BSN: variants seen among roughly 807,000 people sequenced by gnomAD.
The protein encoded by BSN is protein bassoon.
In BSN, 57 loss-of-function variants were observed where a neutral mutation model predicts 264.8. The ratio of observed to expected loss-of-function variants is 0.22; its 90% CI spans 0.17 to 0.27. The LOEUF (loss-of-function observed/expected upper bound fraction) is 0.27. Ranked by LOEUF, BSN falls within the 10% of genes least tolerant of loss-of-function variation. The pLI is 1.00. For synonymous variants in BSN, 2,059 were observed against 2,137.3 expected, an observed-to-expected ratio of 0.96 and a Z score of 1.01; for missense variants, 4,615 against 5,232.5, an observed-to-expected ratio of 0.88 and a Z score of 3.64.
chr3:49,620,159 G>A (rs557238895), intron 1 of BSN, among the ~76,000 whole-genome samples: 5 of 152,280 alleles, frequency 3.3e-5, no homozygotes, highest in Non-Finnish European at 7.4e-5. Flanking sequence ...AAACTTGAGA[G>A]GGAGCAAGTG....
rs1213671806 is a variant in BSN at position 49,661,872 on chromosome 3, C to G, written c.10027C>G (p.His3343Asp). 1 of 1,613,666 alleles carries G rather than the reference C, an allele frequency of 6.2e-7. No homozygotes were observed. The highest frequency in any genetic ancestry group is 1.7e-5 in the Admixed American group (1 of 60,032). The stretch of plus-strand genomic sequence containing the variant: ...TGGTCCAGGGCCCATGGGGCCCAAG[C>G]ATCCCTCCAAGAGCCTGGCTCCAGC... ...KYGPGPMGPK[H>D]PSKSLAPAAI... The change falls in exon 6 of 12, where the codon CAT becomes GAT. Residue 3343 changes from histidine to aspartate, a missense_variant. Physicochemically the swap from His to Asp is moderately conservative, Grantham distance 81. Around this residue, in one of 3 missense-constraint regions of BSN, gnomAD observed 3,415 missense variants for 3,866.4 expected, o/e 0.88. Transcript: ENST00000296452.
chr3:49,559,547 G>A (rs751535020), intron 1 of BSN, among the ~76,000 whole-genome samples: 1 of 152,084 alleles, frequency 6.6e-6, no homozygotes, highest in Non-Finnish European at 1.5e-5. Context: ...TATTCAGTCA[G>A]GATTCTACTT....
intron 1 of BSN, among the ~76,000 whole-genome samples, chr3:49,622,697 A>T (rs2052315227): frequency 6.6e-6 from 1 of 152,228 alleles, no homozygotes; most frequent in Non-Finnish European, 1.5e-5. Context: ...AGTCTTAAAT[A>T]ATTTATGTAA....
chr3:49,631,580 T>C (rs898055641), intron 2 of BSN, among the ~76,000 whole-genome samples: 17 of 150,094 alleles, frequency 1.1e-4, no homozygotes, highest in East Asian at 1.9e-4. Flanking sequence ...AAAAAAGTTA[T>C]TGGGGGCTTC....
intron 1 of BSN, among the ~76,000 whole-genome samples, chr3:49,618,595 G>T (rs2052279677): frequency 6.6e-6 from 1 of 151,918 alleles, no homozygotes; most frequent in African/African-American, 2.4e-5. Context: ...GCTGTTCTAG[G>T]TGCTGGGAGC....
chr3:49,607,070 G>A (rs959062755), intron 1 of BSN, among the ~76,000 whole-genome samples: 6 of 152,100 alleles, frequency 3.9e-5, no homozygotes, highest in African/African-American at 9.7e-5. Context: ...CTGGGCCAGC[G>A]GACCTTTGCA....
intron 2 of BSN, among the ~76,000 whole-genome samples, chr3:49,640,164 A>G (rs564021492): frequency 2.5e-4 from 38 of 152,368 alleles, no homozygotes; most frequent in Admixed American, 2.0e-3. Context: ...GACAGAGAAC[A>G]ACCTTGGCCT....
chr3:49,561,598 A>G (rs990253733), intron 1 of BSN, among the ~76,000 whole-genome samples: 1 of 152,242 alleles, frequency 6.6e-6, no homozygotes. Context: ...TATTTATTAT[A>G]TACAACCTGA....
At chr3:49,554,848 CG>C (rs908173479) in intron 1 of BSN, 22 bp downstream of exon 1, 15 of 1,204,432 alleles carry the variant, frequency 1.2e-5, no homozygotes, top group East Asian at 3.3e-5. Context: ...TCTCGGCGCC[CG>C]GGGGGCGGTG....
Position 49,667,941 on chromosome 3 carries a change from C to G in BSN, c.*456C>G, listed in dbSNP as rs1205139100. On this transcript the variant is annotated 3_prime_UTR_variant, in exon 12 of 12. Transcript: ENST00000296452. ...CACACACTGCCCTCCCTCCGAGATG[C>G]CAGAAGTTTTTCCACAGCCTTGGAG... 1 of 152,576 alleles carries G rather than the reference C, an allele frequency of 6.6e-6. No homozygotes were observed. The highest frequency in any genetic ancestry group is 2.1e-4 in the South Asian group (1 of 4,828). The allele number at this position is 152,576 out of a possible 1,614,324, so 9.5% of individuals were successfully genotyped here. A position where few individuals can be genotyped will look rare whatever the true frequency, so the allele number is the denominator to read the frequency against.
At chr3:49,593,056 T>C (rs1302590240) in intron 1 of BSN, among the ~76,000 whole-genome samples, 1 of 152,170 alleles carries the variant, frequency 6.6e-6, no homozygotes, top group Non-Finnish European at 1.5e-5. Flanking sequence ...TGCCCAACCC[T>C]TCCACCCCAT....
rs2052438820 is a variant in BSN, at chr3:49,638,801, C to G, written c.634-3467C>G. ...CCTGATTCAGAACCCCAGGGACAGT[C>G]ACCCCAAAGTTGCAGGATAAGAAGC... is the stretch of plus-strand genomic sequence containing the variant. On this transcript the variant is annotated intron_variant, in intron 2 of 11. Transcript: ENST00000296452. The surrounding 1 kb of genome is among the most constrained non-coding windows in gnomAD (Gnocchi z 4.3). Among the ~76,000 whole-genome samples, 1 of 152,208 alleles carries G rather than the reference C, an allele frequency of 6.6e-6. No individual in the cohort carries two copies. Among genetic ancestry groups the G allele is most frequent in the Non-Finnish European group, 1.5e-5 (1 of 68,026 alleles).
chr3:49,615,623 A>G (rs1190661955), intron 1 of BSN, among the ~76,000 whole-genome samples: 2 of 152,212 alleles, frequency 1.3e-5, no homozygotes, highest in East Asian at 3.8e-4. Context: ...TGAGCCCATG[A>G]TGCCATCTTC....
chr3:49,610,650 T>C (rs138656160), intron 1 of BSN, among the ~76,000 whole-genome samples: 123 of 148,366 alleles, frequency 8.3e-4, no homozygotes, highest in African/African-American at 2.6e-3. Context: ...TAACATGGGA[T>C]GAATAGATAT....
intron 1 of BSN, among the ~76,000 whole-genome samples, chr3:49,566,393 A>G (rs1167746560): frequency 6.6e-6 from 1 of 152,188 alleles, no homozygotes; most frequent in Non-Finnish European, 1.5e-5. Flanking sequence ...AATAGATTCA[A>G]TCTTTTTGGA....
chr3:49,593,799 T>C (rs1390455480), intron 1 of BSN, among the ~76,000 whole-genome samples: 2 of 147,766 alleles, frequency 1.4e-5, no homozygotes, highest in African/African-American at 4.9e-5. Flanking sequence ...TTTTGTTTTG[T>C]TTTTTGTTTT....
At chr3:49,568,389 T>A (rs1575425454) in intron 1 of BSN, among the ~76,000 whole-genome samples, 1 of 152,312 alleles carries the variant, frequency 6.6e-6, no homozygotes, top group South Asian at 2.1e-4. Flanking sequence ...TGATTCCAAA[T>A]AAAACAAGAT....
intron 1 of BSN, among the ~76,000 whole-genome samples, chr3:49,589,508 T>C (rs1441737352): frequency 9.2e-5 from 1 of 10,840 alleles, no homozygotes; most frequent in African/African-American, 2.5e-4. Context: ...TTTCTTTCTT[T>C]CTTTCTTTTT....
chr3:49,637,078 G>A (rs1001211884), intron 2 of BSN, among the ~76,000 whole-genome samples: 5 of 152,224 alleles, frequency 3.3e-5, no homozygotes, highest in Admixed American at 6.5e-5. Flanking sequence ...AGCTGTTTCT[G>A]TGATGTTTCA....
Sources: allele counts gnomAD v4.1 joint callset (sites outside exome capture counted in the v4.1 genomes callset), GRCh38; gene constraint gnomAD v4.1.1; regional missense constraint gnomAD v4.1.1; non-coding constraint Gnocchi (gnomAD v3.1); transcripts MANE v1.5; gene names NCBI Gene and HGNC (gene_info 2026-07-23, HGNC 2026-07-21).